The following SRPX variants were observed in gnomAD, a reference collection of about 807,000 sequenced individuals.
The protein encoded by SRPX is sushi repeat containing protein X-linked.
SRPX carries 24 observed loss-of-function variants against 38.1 expected under a neutral mutation model. That is an observed-to-expected ratio of 0.63 (90% CI 0.46 to 0.89). SRPX has a LOEUF of 0.89. Ranked by LOEUF, SRPX falls within the 40% of genes least tolerant of loss-of-function variation. The probability of loss-of-function intolerance (pLI) is 0.00; values close to 1 mark genes in which losing one functional copy is unlikely to be tolerated. For synonymous variants in SRPX, 184 were observed against 153.8 expected (o/e 1.20, Z -1.45); for missense variants, 416 against 377.8 (o/e 1.10, Z -0.84).
chrX:38,178,681 A>T (rs1938612012), intron 1 of SRPX, among the ~76,000 whole-genome samples: 1 of 111,891 alleles, frequency 8.9e-6, no homozygotes, highest in African/African-American at 3.2e-5. Flanking sequence ...GAGATGCAAT[A>T]AAATGTGTGC....
intron 1 of SRPX, among the ~76,000 whole-genome samples, chrX:38,183,959 T>TC (rs1323848353): frequency 9.0e-6 from 1 of 111,561 alleles, no homozygotes; most frequent in Non-Finnish European, 1.9e-5. Flanking sequence ...AAATAGCCAC[T>TC]CTTTTTTTTT....
At position 38,159,099 on chromosome X, in the gene SRPX, T is replaced by A. The variant is rs1171584307; in HGVS notation, c.955+918A>T. Among the ~76,000 whole-genome samples the A allele has an allele frequency of 2.7e-5, 3 of 112,298 alleles. No homozygotes were observed. The Admixed American group carries it at 2.8e-4, about 11-fold the overall frequency. On this transcript the variant is annotated intron_variant, in intron 7 of 9. Transcript: ENST00000378533. ...TTCAACATGTAATCAATATAAAAAA[T>A]TAAGATACTTTATATTCTTTTTCAC... is the stretch of plus-strand genomic sequence containing the variant.
rs140432869 is a variant in SRPX, at chrX:38,186,132, G to C, written c.98-7788C>G. On this transcript the variant is annotated intron_variant, in intron 1 of 9. Transcript: ENST00000378533. Reference sequence around the variant, plus strand: ...CTCTTTTGAAGTCAAGTTATAAAAAGACTGTGGTGTCCATCTTGAATACTG... The same window carrying C: ...CTCTTTTGAAGTCAAGTTATAAAAACACTGTGGTGTCCATCTTGAATACTG... Among the ~76,000 whole-genome samples the C allele has an allele frequency of 7.6e-3, 845 of 111,820 alleles. 5 individuals are homozygous for C. The highest frequency in any genetic ancestry group is 0.026 in the African/African-American group (804 of 30,771).
At chrX:38,205,790 C>T (rs1006738847) in intron 1 of SRPX, among the ~76,000 whole-genome samples, 5 of 112,108 alleles carry the variant, frequency 4.5e-5, no homozygotes, top group African/African-American at 1.6e-4. Flanking sequence ...TGTAGCTAAA[C>T]AGCCTAATAC....
intron 4 of SRPX, 112 bp from the exon 5 acceptor site, chrX:38,165,007 A>G: frequency 1.4e-6 from 1 of 693,371 alleles, no homozygotes; most frequent in Non-Finnish European, 2.1e-6. Context: ...CCATTTTCAA[A>G]GAGTTTGTTC....
rs5902179 is a variant in SRPX, at chrX:38,177,548, A to ATT, written c.157+735_157+736dup. On this transcript the variant is annotated intron_variant, in intron 2 of 9. Coordinates refer to ENST00000378533, the MANE Select transcript of SRPX (RefSeq NM_006307.5). ...ATGCCGCAGTGAAACTTTGTTAACCATTTTTTTTTTTTTTTCAAATTCTTC... is the reference window on the plus strand; with the variant it reads ...ATGCCGCAGTGAAACTTTGTTAACCATTTTTTTTTTTTTTTTTCAAATTCTTC... Among the ~76,000 whole-genome samples the ATT allele has an allele frequency of 9.9e-3, 956 of 96,757 alleles. 5 individuals are homozygous for ATT. The highest frequency in any genetic ancestry group is 0.024 in the South Asian group (46 of 1,930). The allele number at this position is 96,757 out of a possible 115,157, so 84.0% of individuals were successfully genotyped here.
intron 1 of SRPX, among the ~76,000 whole-genome samples, chrX:38,212,837 G>T (rs1173548884): frequency 1.9e-5 from 2 of 103,379 alleles, no homozygotes; most frequent in Non-Finnish European, 3.8e-5. Flanking sequence ...TCCAAGTCTT[G>T]AATCCTTGGA....
intron 9 of SRPX, among the ~76,000 whole-genome samples, chrX:38,151,521 A>C (rs769192165): frequency 9.0e-6 from 1 of 111,118 alleles, no homozygotes; most frequent in Non-Finnish European, 1.9e-5. Context: ...AACCCCCACC[A>C]CCACCACCAC....
chrX:38,202,733 GATGAA>G (rs1251573669), intron 1 of SRPX, among the ~76,000 whole-genome samples: 2 of 112,323 alleles, frequency 1.8e-5, no homozygotes, highest in Non-Finnish European at 3.8e-5. Context: ...TGACAGCTTA[GATGAA>G]ATGAACCAAT....
chrX:38,157,862 G>A (rs1277454943), intron 7 of SRPX, among the ~76,000 whole-genome samples: 2 of 112,336 alleles, frequency 1.8e-5, no homozygotes, highest in Non-Finnish European at 3.8e-5. Context: ...ACCCACTGGA[G>A]GGAACTGGAG....
chrX:38,154,535 C>T lies in SRPX; in HGVS notation c.1138G>A (p.Val380Met), dbSNP rs144798601. 3 of 1,206,141 alleles carry T rather than the reference C, an allele frequency of 2.5e-6. No individual in the cohort carries two copies. The African/African-American group carries it at 5.3e-5, about 21-fold the overall frequency. Residue 380 changes from valine to methionine, a missense_variant, in exon 9 of 10, where the codon GTG (valine) becomes ATG (methionine). Val to Met is a conservative substitution (Grantham distance 21). Transcript: ENST00000378533. ...CCAATGAGAGTCGGGAACACACCCA[C>T]CAGCTCCACCACGGTGATGTGTCGA... Reference protein sequence around the residue: ...DLRHITVVELVGVFPTLIGRI... With the variant: ...DLRHITVVELMGVFPTLIGRI...
At chrX:38,219,028 G>C (rs1939463181) in intron 1 of SRPX, among the ~76,000 whole-genome samples, 1 of 107,771 alleles carries the variant, frequency 9.3e-6, no homozygotes, top group African/African-American at 3.3e-5. Context: ...GTTGGGAGCA[G>C]CTTGCAGGCT....
At chrX:38,177,048 C>T (rs1179555641) in intron 2 of SRPX, among the ~76,000 whole-genome samples, 2 of 110,826 alleles carry the variant, frequency 1.8e-5, no homozygotes, top group Non-Finnish European at 3.8e-5. Context: ...GAACAAGGAC[C>T]TGAGGGCACT....
At chrX:38,212,080 A>G (rs1939335851) in intron 1 of SRPX, among the ~76,000 whole-genome samples, 1 of 112,053 alleles carries the variant, frequency 8.9e-6, no homozygotes, top group Non-Finnish European at 1.9e-5. Flanking sequence ...CTTGACAGCT[A>G]AAGTTATTCA....
chrX:38,199,697 G>T (rs141047587), intron 1 of SRPX, among the ~76,000 whole-genome samples: 253 of 109,315 alleles, frequency 2.3e-3, no homozygotes, highest in Non-Finnish European at 3.8e-3. Flanking sequence ...GATTCCTAGA[G>T]CGTGAGCAGG....
At chrX:38,168,193 G>A (rs916400497) in intron 4 of SRPX, among the ~76,000 whole-genome samples, 5 of 112,059 alleles carry the variant, frequency 4.5e-5, no homozygotes, top group Non-Finnish European at 9.4e-5. Flanking sequence ...AAAATGCAAG[G>A]GAAGTGACCC....
At chrX:38,183,927 C>G (rs1938719554) in intron 1 of SRPX, among the ~76,000 whole-genome samples, 1 of 111,635 alleles carries the variant, frequency 9.0e-6, no homozygotes, top group Admixed American at 9.5e-5. Flanking sequence ...AAAACTTTCT[C>G]TAATTCAACA....
intron 1 of SRPX, among the ~76,000 whole-genome samples, chrX:38,213,284 G>A (rs1257572502): frequency 1.8e-5 from 2 of 112,137 alleles, no homozygotes. Context: ...TGGTTGTGGT[G>A]ATGAATGCAC....
intron 9 of SRPX, among the ~76,000 whole-genome samples, chrX:38,153,444 T>A (rs933856810): frequency 9.1e-6 from 1 of 109,631 alleles, no homozygotes; most frequent in Non-Finnish European, 1.9e-5. Context: ...ATTGTGTCTA[T>A]CTATAGCATC....
Sources: allele counts gnomAD v4.1 joint callset (sites outside exome capture counted in the v4.1 genomes callset), GRCh38; gene constraint gnomAD v4.1.1; transcripts MANE v1.5; gene names NCBI Gene and HGNC (gene_info 2026-07-23, HGNC 2026-07-21).